THSD7B: variants seen among roughly 807,000 people sequenced by gnomAD.
THSD7B encodes thrombospondin type-1 domain-containing protein 7B.
Under a neutral mutation model 213.6 loss-of-function variants are expected in THSD7B, and 138 were observed. That is an observed-to-expected ratio of 0.65 (90% CI 0.56 to 0.74). THSD7B has a LOEUF of 0.74. Ranked by LOEUF, THSD7B falls within the 30% of genes least tolerant of loss-of-function variation. The pLI is 0.00. For synonymous variants in THSD7B, 742 were observed against 687.0 expected (o/e 1.08, Z -1.25); for missense variants, 1,931 against 1,991.5 (o/e 0.97, Z 0.58).
At chr2:137,058,358 T>C (rs1180040161) in intron 3 of THSD7B, among the ~76,000 whole-genome samples, 1 of 152,182 alleles carries the variant, frequency 6.6e-6, no homozygotes, top group African/African-American at 2.4e-5. Context: ...GTTGTGTAAA[T>C]ACATTGTTTT....
rs749767029 is a variant in THSD7B at position 137,676,582 on chromosome 2, T to C, written c.4798T>C (p.Tyr1600His). 3 of 1,592,148 alleles carry C rather than the reference T, an allele frequency of 1.9e-6. No homozygotes were observed. The highest frequency in any genetic ancestry group is 2.6e-6 in the Non-Finnish European group (3 of 1,170,758). The stretch of plus-strand genomic sequence containing the variant: ...CCAACAGAAGCCTCTGACCTTAGCC[T>C]ACGATGGAGACTTAGACATGTAATC... ...PPQQKPLTLA[Y>H]DGDLDM Residue 1600 changes from tyrosine to histidine, a missense_variant, in exon 28 of 28, where the codon TAC becomes CAC. By Grantham distance (83) the Tyr-to-His change is moderately conservative (BLOSUM62 2). Coordinates refer to ENST00000409968, the MANE Select transcript of THSD7B (RefSeq NM_001316349.2).
intron 14 of THSD7B, among the ~76,000 whole-genome samples, chr2:137,430,580 G>T (rs1187151364): frequency 6.6e-6 from 1 of 152,204 alleles, no homozygotes; most frequent in Non-Finnish European, 1.5e-5. Flanking sequence ...CAGGGACTCT[G>T]GCCCTAACTT....
At chr2:137,199,115 C>T (rs1680825036) in intron 7 of THSD7B, among the ~76,000 whole-genome samples, 1 of 152,148 alleles carries the variant, frequency 6.6e-6, no homozygotes, top group Non-Finnish European at 1.5e-5. Context: ...AGTGGTGCTG[C>T]TCTCCCATTC....
intron 12 of THSD7B, among the ~76,000 whole-genome samples, chr2:137,353,376 C>T (rs79861753): frequency 2.0e-3 from 308 of 152,180 alleles, no homozygotes; most frequent in African/African-American, 7.1e-3. Flanking sequence ...CAGCTATCCA[C>T]GAGGCCAAGT....
chr2:137,454,424 GTCTATCTATCTATCTATCTA>G (rs57128305), intron 15 of THSD7B, among the ~76,000 whole-genome samples: 58 of 140,142 alleles, frequency 4.1e-4, no homozygotes, highest in Non-Finnish European at 6.0e-4. Context: ...CTGTCTGTCT[GTCTATCTATCTATCTATCTA>G]TCTATCTATC....
At chr2:137,153,919 G>GT (rs2104977691) in intron 5 of THSD7B, among the ~76,000 whole-genome samples, 1 of 152,214 alleles carries the variant, frequency 6.6e-6, no homozygotes, top group African/African-American at 2.4e-5. Flanking sequence ...ATTTTTGGTT[G>GT]TTTCTTGAAA....
rs575982024 is a variant in THSD7B, at chr2:137,677,148, T to G, written c.*543T>G. The G allele has an allele frequency of 1.3e-5, 2 of 152,800 alleles. No individual in the cohort carries two copies. Among genetic ancestry groups the G allele is most frequent in the African/African-American group, 4.8e-5 (2 of 41,592 alleles). 9.5% of individuals were successfully genotyped at this position (152,800 alleles called of 1,614,324 possible). A position where few individuals can be genotyped will look rare whatever the true frequency, so the allele number is the denominator to read the frequency against. On this transcript the variant is annotated 3_prime_UTR_variant, in exon 28 of 28. Coordinates refer to ENST00000409968, the MANE Select transcript of THSD7B (RefSeq NM_001316349.2). Reference sequence around the variant, plus strand: ...GAATGGATTACCATTTCAGAAATTCTCTGAGTTTTTAACCTTTAAATATTG... The same window carrying G: ...GAATGGATTACCATTTCAGAAATTCGCTGAGTTTTTAACCTTTAAATATTG...
intron 27 of THSD7B, among the ~76,000 whole-genome samples, chr2:137,671,081 A>G (rs1298272172): frequency 6.6e-6 from 1 of 151,988 alleles, no homozygotes; most frequent in Non-Finnish European, 1.5e-5. Flanking sequence ...CAGGTTTAGT[A>G]TATTCATTTC....
chr2:137,513,027 C>T (rs1479658863), intron 15 of THSD7B, among the ~76,000 whole-genome samples: 1 of 152,176 alleles, frequency 6.6e-6, no homozygotes, highest in African/African-American at 2.4e-5. Flanking sequence ...CAAAGCAACA[C>T]TACTGAAAAC....
intron 10 of THSD7B, among the ~76,000 whole-genome samples, chr2:137,261,484 C>A (rs1221757862): frequency 1.3e-5 from 2 of 152,142 alleles, no homozygotes; most frequent in Non-Finnish European, 2.9e-5. Flanking sequence ...CTTATTATTG[C>A]CCTTTGATGT....
rs1246942293 is a variant in THSD7B at position 137,386,341 on chromosome 2, A to G, written c.2501-19272A>G. 3.9e-5 allele frequency among the ~76,000 whole-genome samples: 6 copies of G among 152,158 alleles called. 1 individual carries two copies. The highest frequency in any genetic ancestry group is 6.3e-3 in the Middle Eastern group (2 of 316). On this transcript the variant is annotated intron_variant, in intron 12 of 27. Coordinates refer to ENST00000409968, the MANE Select transcript of THSD7B (RefSeq NM_001316349.2). ...GTGCTGGGCCTGACATACAGAACAC[A>G]TTGTAGGAACATTGGTTGAGCTGAG...
At chr2:136,878,091 T>C (rs901929854) in intron 1 of THSD7B, among the ~76,000 whole-genome samples, 10 of 152,172 alleles carry the variant, frequency 6.6e-5, no homozygotes, top group Admixed American at 5.2e-4. Context: ...CCACAACAGG[T>C]CCCAGTGTGT....
Position 137,056,878 on chromosome 2 carries a change from C to A in THSD7B, c.598C>A (p.Gln200Lys). The A allele has an allele frequency of 1.2e-6, 2 of 1,613,956 alleles. No individual in the cohort carries two copies. Among genetic ancestry groups the A allele is most frequent in the South Asian group, 2.2e-5 (2 of 91,074 alleles). Residue 200 changes from glutamine to lysine, a missense_variant, in exon 3 of 28, where the codon CAG (glutamine) becomes AAG (lysine). By Grantham distance (53) the Gln-to-Lys change is moderately conservative. Transcript: ENST00000409968. ...TAGCAAGGGATGTGGGAAGAAATTG[C>A]AGCATAGAACTCGCGCGGTCATAGC... is the stretch of plus-strand genomic sequence containing the variant. ...NCSKGCGKKL[Q>K]HRTRAVIAPP... is the part of the protein sequence containing the mutation.
chr2:137,425,285 C>G (rs1396627673), intron 14 of THSD7B, among the ~76,000 whole-genome samples: 1 of 151,872 alleles, frequency 6.6e-6, no homozygotes, highest in Admixed American at 6.6e-5. Context: ...GGTGCAGTCT[C>G]CAATCACTCC....
At chr2:137,407,597 A>G (rs1686556984) in intron 13 of THSD7B, among the ~76,000 whole-genome samples, 1 of 152,160 alleles carries the variant, frequency 6.6e-6, no homozygotes, top group African/African-American at 2.4e-5. Context: ...TAGTAAATGC[A>G]ATAAACAATC....
intron 7 of THSD7B, among the ~76,000 whole-genome samples, chr2:137,222,808 G>T (rs545655207): frequency 3.9e-5 from 6 of 152,262 alleles, no homozygotes; most frequent in African/African-American, 1.4e-4. Flanking sequence ...AAAAAGGAAG[G>T]CCAAAGGACT....
chr2:137,206,970 A>G (rs1680997470), intron 7 of THSD7B, among the ~76,000 whole-genome samples: 1 of 152,060 alleles, frequency 6.6e-6, no homozygotes, highest in Admixed American at 6.6e-5. Flanking sequence ...AAAGGGTGTA[A>G]TTGATCAGGT....
chr2:137,219,276 T>C (rs1681315273), intron 7 of THSD7B, among the ~76,000 whole-genome samples: 1 of 152,164 alleles, frequency 6.6e-6, no homozygotes, highest in South Asian at 2.1e-4. Flanking sequence ...GGTTATCCTC[T>C]GAGAATTACA....
At chr2:137,416,336 G>A (rs1229011188) in intron 14 of THSD7B, among the ~76,000 whole-genome samples, 2 of 152,204 alleles carry the variant, frequency 1.3e-5, no homozygotes, top group African/African-American at 4.8e-5. Context: ...CCATGAGGAT[G>A]TACTTCACCT....
Sources: allele counts gnomAD v4.1 joint callset (sites outside exome capture counted in the v4.1 genomes callset), GRCh38; gene constraint gnomAD v4.1.1; transcripts MANE v1.5; gene names NCBI Gene and HGNC (gene_info 2026-07-23, HGNC 2026-07-21).